The following PTPRN2 variants were observed in gnomAD, a reference collection of about 807,000 sequenced individuals.
PTPRN2 encodes the protein protein tyrosine phosphatase receptor type N2, also known as receptor-type tyrosine-protein phosphatase N2.
Under a neutral mutation model 118.8 loss-of-function variants are expected in PTPRN2, and 74 were observed. That is an observed-to-expected ratio of 0.62 (90% CI 0.52 to 0.76). The LOEUF is 0.76. Among genes scored for constraint, PTPRN2 ranks in the 30% least tolerant of loss-of-function variants. PTPRN2 has a pLI of 0.00. For synonymous variants in PTPRN2, 641 were observed against 608.0 expected (o/e 1.05, Z -0.80); for missense variants, 1,481 against 1,394.4 (o/e 1.06, Z -0.99).
intron 9 of PTPRN2, among the ~76,000 whole-genome samples, chr7:158,120,973 A>C (rs1585504432): frequency 6.6e-6 from 1 of 152,308 alleles, no homozygotes; most frequent in East Asian, 1.9e-4. Context: ...ACTTGCATCC[A>C]ACCAGCCTCC....
chr7:157,915,273 AG>A (rs1798331131), intron 11 of PTPRN2, among the ~76,000 whole-genome samples: 1 of 152,204 alleles, frequency 6.6e-6, no homozygotes, highest in Non-Finnish European at 1.5e-5. Context: ...TCCTCCAGAG[AG>A]GATCTGCCTT....
At chr7:158,222,058 T>C (rs1408037844) in intron 3 of PTPRN2, among the ~76,000 whole-genome samples, 1 of 152,132 alleles carries the variant, frequency 6.6e-6, no homozygotes, top group Non-Finnish European at 1.5e-5. Context: ...TGAATATTTT[T>C]AAAAAGTCAA....
At chr7:157,551,292 A>T (rs887975466) in intron 21 of PTPRN2, among the ~76,000 whole-genome samples, 1 of 152,142 alleles carries the variant, frequency 6.6e-6, no homozygotes, top group Non-Finnish European at 1.5e-5. Flanking sequence ...TTCTGGACAC[A>T]TTGAACCCAG....
chr7:158,364,262 C>G (rs530414702), intron 2 of PTPRN2, among the ~76,000 whole-genome samples: 63 of 148,218 alleles, frequency 4.3e-4, no homozygotes, highest in African/African-American at 1.6e-3. Context: ...TCTGCAGAGC[C>G]CCCATCCTCA....
intron 15 of PTPRN2, among the ~76,000 whole-genome samples, chr7:157,614,736 G>C (rs1330431953): frequency 6.6e-6 from 1 of 152,200 alleles, no homozygotes; most frequent in East Asian, 1.9e-4. Flanking sequence ...GGTCCTGAGG[G>C]GGGGCCTAGT....
intron 2 of PTPRN2, among the ~76,000 whole-genome samples, chr7:158,420,173 C>G (rs1815129524): frequency 6.6e-6 from 1 of 152,174 alleles, no homozygotes; most frequent in South Asian, 2.1e-4. Flanking sequence ...CCAAGGCAGG[C>G]AGGACACATT....
intron 2 of PTPRN2, among the ~76,000 whole-genome samples, chr7:158,470,015 G>A (rs1298211502): frequency 6.6e-6 from 1 of 151,976 alleles, no homozygotes; most frequent in South Asian, 2.1e-4. Context: ...TAAAAGAATT[G>A]GGAGCTGGGA....
intron 14 of PTPRN2, among the ~76,000 whole-genome samples, chr7:157,624,126 G>A (rs1027251781): frequency 1.3e-5 from 2 of 152,094 alleles, no homozygotes; most frequent in Admixed American, 6.5e-5. Flanking sequence ...TTCTTAAGTT[G>A]AAAGTGCATT....
chr7:158,120,243 A>G (rs1280630643), intron 9 of PTPRN2, among the ~76,000 whole-genome samples: 2 of 152,170 alleles, frequency 1.3e-5, no homozygotes, highest in Non-Finnish European at 2.9e-5. Flanking sequence ...CAGGATGAAA[A>G]GAGCTCTGGG....
At chr7:158,411,682 C>T (rs372105325) in intron 2 of PTPRN2, among the ~76,000 whole-genome samples, 8 of 152,238 alleles carry the variant, frequency 5.3e-5, no homozygotes, top group Non-Finnish European at 8.8e-5. Context: ...AGCCAACCAA[C>T]GCCAATGGAG....
Position 157,938,195 on chromosome 7 carries a change from G to T in PTPRN2, c.1724-39458C>A, listed in dbSNP as rs190198899. 5.8e-4 allele frequency among the ~76,000 whole-genome samples: 89 copies of T among 152,336 alleles called. 1 individual carries two copies. In the East Asian group the frequency reaches 0.012, roughly 21 times the overall value. On this transcript the variant is annotated intron_variant, in intron 11 of 22. Transcript: ENST00000389418. The stretch of plus-strand genomic sequence containing the variant: ...ACGCACAGATTACACTTTATGAAAG[G>T]TTTCCTTTGCTTTGAATAGTTGGCT...
At chr7:157,942,677 C>A (rs1416559368) in intron 11 of PTPRN2, among the ~76,000 whole-genome samples, 3 of 152,096 alleles carry the variant, frequency 2.0e-5, no homozygotes, top group Non-Finnish European at 4.4e-5. Flanking sequence ...TATCCCCTCC[C>A]AGTCCCTCAC....
intron 11 of PTPRN2, among the ~76,000 whole-genome samples, chr7:157,945,441 T>C (rs942479431): frequency 6.6e-6 from 1 of 151,984 alleles, no homozygotes; most frequent in East Asian, 1.9e-4. Context: ...AATCAATGTA[T>C]CTTTCCCCGT....
chr7:158,262,521 C>T (rs1797511577), intron 3 of PTPRN2, among the ~76,000 whole-genome samples: 1 of 147,576 alleles, frequency 6.8e-6, no homozygotes, highest in Non-Finnish European at 1.5e-5. Flanking sequence ...CACACATTCA[C>T]ACACTGCACA....
At chr7:157,825,094 G>A (rs1248408530) in intron 12 of PTPRN2, among the ~76,000 whole-genome samples, 1 of 152,190 alleles carries the variant, frequency 6.6e-6, no homozygotes, top group African/African-American at 2.4e-5. Flanking sequence ...TGCTTCCTTG[G>A]AGCCTCTGGT....
chr7:157,924,631 C>T (rs1267459461), intron 11 of PTPRN2, among the ~76,000 whole-genome samples: 1 of 152,218 alleles, frequency 6.6e-6, no homozygotes, highest in Non-Finnish European at 1.5e-5. Context: ...GGACACCTCG[C>T]TTTATTTCAG....
intron 1 of PTPRN2, among the ~76,000 whole-genome samples, chr7:158,490,840 G>A (rs1186135837): frequency 6.6e-6 from 1 of 152,226 alleles, no homozygotes; most frequent in East Asian, 1.9e-4. Context: ...GCCACACTGT[G>A]CAGTGACTGT....
chr7:158,286,595 A>G (rs1799786707), intron 3 of PTPRN2, among the ~76,000 whole-genome samples: 2 of 152,166 alleles, frequency 1.3e-5, no homozygotes, highest in South Asian at 2.1e-4. Context: ...TATGTTTTTT[A>G]TACATCTAAT....
chr7:157,908,118 C>T (rs1217342764), intron 11 of PTPRN2, among the ~76,000 whole-genome samples: 1 of 152,212 alleles, frequency 6.6e-6, no homozygotes, highest in African/African-American at 2.4e-5. Context: ...CCGGCGTCTC[C>T]GCGTGGCCAG....
Sources: gnomAD v4.1 joint callset for allele counts (sites outside exome capture counted in the v4.1 genomes callset) on GRCh38, gnomAD v4.1.1 for gene constraint, MANE v1.5 for transcripts, NCBI Gene and HGNC (gene_info 2026-07-23, HGNC 2026-07-21) for gene names.